POSTN: variants seen among roughly 807,000 people sequenced by gnomAD.
POSTN encodes the protein osteoblast specific factor 2 (fasciclin I-like).
In POSTN, 71 loss-of-function variants were observed where a neutral mutation model predicts 104.5. The ratio of observed to expected loss-of-function variants is 0.68; its 90% CI spans 0.56 to 0.83. POSTN has a LOEUF of 0.83. Among genes scored for constraint, POSTN ranks in the 40% least tolerant of loss-of-function variants. POSTN has a pLI of 0.00. For missense variants in POSTN, 949 were observed against 1,006.8 expected (o/e 0.94, Z 0.78); for synonymous variants, 355 against 340.7 (o/e 1.04, Z -0.46).
Position 37,586,800 on chromosome 13 carries a change from A to T in POSTN, c.735T>A (p.Asp245Glu). 1.2e-6 allele frequency: 2 copies of T among 1,613,230 alleles called. No individual in the cohort carries two copies. The highest frequency in any genetic ancestry group is 1.7e-6 in the Non-Finnish European group (2 of 1,179,412). The change falls in exon 6 of 23, where the codon GAT becomes GAA. Residue 245 changes from aspartate (D) to glutamate (E), a missense_variant. Physicochemically the swap from Asp to Glu is conservative, Grantham distance 45 (BLOSUM62 2). Coordinates refer to ENST00000379747, the MANE Select transcript of POSTN (RefSeq NM_006475.3). ...GACTTACTCTAAAAGATGAAAGGTC[A>T]TCTTCTGCTTCAATGAAGTCTTGAA... is the stretch of plus-strand genomic sequence containing the variant. Reference protein sequence around the residue: ...TSIQDFIEAEDDLSSFRAAAI... With the variant: ...TSIQDFIEAEEDLSSFRAAAI...
chr13:37,581,681 G>C (rs1950595004), intron 10 of POSTN, among the ~76,000 whole-genome samples: 1 of 151,972 alleles, frequency 6.6e-6, no homozygotes, highest in South Asian at 2.1e-4. Context: ...CTATGATTGT[G>C]CCACTGCACT....
At chr13:37,586,733 A>G in intron 6 of POSTN, 49 bp downstream of exon 6, 2 of 1,524,662 alleles carry the variant, frequency 1.3e-6, no homozygotes, top group Non-Finnish European at 1.8e-6. Context: ...TTTTGACAGG[A>G]GAAGAAGAGG....
intron 3 of POSTN, among the ~76,000 whole-genome samples, 183 bp downstream of exon 3, chr13:37,591,917 A>C (rs1040794396): frequency 4.6e-5 from 7 of 152,172 alleles, no homozygotes; most frequent in Admixed American, 2.0e-4. Context: ...CATCCAGTGC[A>C]TGAGAAATAT....
chr13:37,563,928 T>G (rs1470718691), intron 22 of POSTN, among the ~76,000 whole-genome samples: 2 of 151,862 alleles, frequency 1.3e-5, no homozygotes, highest in Non-Finnish European at 2.9e-5. Flanking sequence ...GTAATGCACA[T>G]GTGATATATA....
At chr13:37,566,432 T>C (rs1950103452) in intron 21 of POSTN, among the ~76,000 whole-genome samples, 1 of 152,162 alleles carries the variant, frequency 6.6e-6, no homozygotes, top group Non-Finnish European at 1.5e-5. Context: ...TGTCAATTGA[T>C]GATTGACAGT....
chr13:37,598,635 T>C lies in POSTN; in HGVS notation c.92A>G (p.His31Arg). 6.2e-7 allele frequency: 1 copy of C among 1,613,196 alleles called. No homozygotes were observed. The highest frequency in any genetic ancestry group is 8.5e-7 in the Non-Finnish European group (1 of 1,179,314). ...TTGGTCCCGACCCCTGATACGACTA[T>C]GAGCCAAGATCTTGTCATAATGATT... is the stretch of plus-strand genomic sequence containing the variant. Reference protein sequence around the residue: ...ANNHYDKILAHSRIRGRDQGP... With the variant: ...ANNHYDKILARSRIRGRDQGP... Residue 31 changes from histidine to arginine, a missense_variant, in exon 1 of 23, where the codon CAT (histidine) becomes CGT (arginine). By Grantham distance (29) the His-to-Arg change is conservative. Coordinates refer to ENST00000379747, the MANE Select transcript of POSTN (RefSeq NM_006475.3).
chr13:37,586,981 A>G (rs1950766212), intron 5 of POSTN, 53 bp from the exon 6 acceptor site: 3 of 1,542,062 alleles, frequency 1.9e-6, no homozygotes, highest in Admixed American at 3.6e-5. Context: ...CCCATTGACC[A>G]CTGAGACTGC....
chr13:37,596,021 C>T (rs568551964), intron 2 of POSTN, among the ~76,000 whole-genome samples: 17 of 151,962 alleles, frequency 1.1e-4, no homozygotes, highest in African/African-American at 4.1e-4. Flanking sequence ...AGGCTGGTCT[C>T]GAACTCCTGG....
chr13:37,577,539 A>T (rs1485842124), intron 16 of POSTN, among the ~76,000 whole-genome samples: 1 of 151,992 alleles, frequency 6.6e-6, no homozygotes, highest in African/African-American at 2.4e-5. Flanking sequence ...TTCTCATGTC[A>T]TATCATTTCT....
intron 4 of POSTN, 81 bp from the exon 5 acceptor site, chr13:37,588,067 C>G: frequency 8.8e-7 from 1 of 1,136,824 alleles, no homozygotes; most frequent in East Asian, 2.5e-5. Context: ...TTTCTACTCT[C>G]TTGCTATTTT....
chr13:37,590,340 A>G, intron 4 of POSTN, 32 bp downstream of exon 4: 1 of 1,476,426 alleles, frequency 6.8e-7, no homozygotes, highest in Non-Finnish European at 9.1e-7. Flanking sequence ...TAACAGCAAA[A>G]AATAAATATA....
chr13:37,577,847 TAAC>T (rs1249081965), intron 15 of POSTN, 49 bp from the exon 16 acceptor site: 1 of 1,609,372 alleles, frequency 6.2e-7, no homozygotes, highest in Non-Finnish European at 8.5e-7. Flanking sequence ...ATAGTTGTGT[TAAC>T]AAAACCATGG....
Position 37,569,728 on chromosome 13 carries a change from T to G in POSTN, c.2347+16A>C. 6.5e-7 allele frequency: 1 copy of G among 1,545,442 alleles called. No individual in the cohort carries two copies. On this transcript the variant is annotated intron_variant, in intron 20 of 22. Coordinates refer to ENST00000379747, the MANE Select transcript of POSTN (RefSeq NM_006475.3). ...CTTAGGTAAAGTCACATTCTTATTT[T>G]CCTAGAAATGCTGACCTTCTTGTAA...
chr13:37,584,695 A>G lies in POSTN; in HGVS notation c.1108+21T>C, dbSNP rs777978831. The G allele has an allele frequency of 9.4e-6, 15 of 1,597,786 alleles. No homozygotes were observed. The African/African-American group carries it at 1.8e-4, about 19-fold the overall frequency. On this transcript the variant is annotated intron_variant, in intron 8 of 22. Coordinates refer to ENST00000379747, the MANE Select transcript of POSTN (RefSeq NM_006475.3). ...TACAGTAAGTAAAAAAACAAAAACAAAAACAAAAAAAGTTGCTTACCAGAA... is the reference window on the plus strand; with the variant it reads ...TACAGTAAGTAAAAAAACAAAAACAGAAACAAAAAAAGTTGCTTACCAGAA...
chr13:37,576,657 A>T (rs769452102), intron 16 of POSTN, among the ~76,000 whole-genome samples: 1 of 152,144 alleles, frequency 6.6e-6, no homozygotes, highest in South Asian at 2.1e-4. Flanking sequence ...ATGACATAAC[A>T]TGTCTGATGA....
chr13:37,569,194 T>C (rs1292134359), intron 21 of POSTN, 106 bp downstream of exon 21: 1 of 731,996 alleles, frequency 1.4e-6, no homozygotes, highest in Non-Finnish European at 2.3e-6. Context: ...TTGTCTTTTT[T>C]TTTTTTAACC....
At chr13:37,589,454 C>T (rs1456356281) in intron 4 of POSTN, among the ~76,000 whole-genome samples, 4 of 152,038 alleles carry the variant, frequency 2.6e-5, no homozygotes, top group African/African-American at 7.2e-5. Flanking sequence ...CCCATTAACT[C>T]GTCATTTAGC....
intron 10 of POSTN, among the ~76,000 whole-genome samples, 177 bp from the exon 11 acceptor site, chr13:37,580,874 CTT>C (rs2138274950): frequency 6.6e-6 from 1 of 152,252 alleles, no homozygotes; most frequent in South Asian, 2.1e-4. Context: ...TCACAAGACA[CTT>C]CTTATCTAGC....
At chr13:37,591,226 G>T (rs1034369636) in intron 3 of POSTN, among the ~76,000 whole-genome samples, 18 of 152,022 alleles carry the variant, frequency 1.2e-4, no homozygotes, top group African/African-American at 3.1e-4. Context: ...ATTTAACAAG[G>T]TTCCATGTAA....
Sources: allele counts gnomAD v4.1 joint callset (sites outside exome capture counted in the v4.1 genomes callset), GRCh38; gene constraint gnomAD v4.1.1; transcripts MANE v1.5; gene names NCBI Gene and HGNC (gene_info 2026-07-23, HGNC 2026-07-21).